Variants in ABCC8 observed in about 807,000 individuals in gnomAD.
The protein encoded by ABCC8 is ATP-binding cassette sub-family C member 8.
Under a neutral mutation model 188.0 loss-of-function variants are expected in ABCC8, and 137 were observed. The ratio of observed to expected loss-of-function variants is 0.73; its 90% CI spans 0.63 to 0.84. The LOEUF is 0.84. ABCC8 is among the 40% of genes least tolerant of loss of function. The probability of loss-of-function intolerance (pLI) is 0.00; values close to 1 mark genes in which losing one functional copy is unlikely to be tolerated. For missense variants in ABCC8, 1,750 were observed against 2,072.7 expected (o/e 0.84, Z 3.02); for synonymous variants, 797 against 846.5 (o/e 0.94, Z 1.01).
chr11:17,460,759 C>A, intron 5 of ABCC8, 83 bp from the exon 6 acceptor site: 5 of 1,583,122 alleles, frequency 3.2e-6, no homozygotes, highest in Non-Finnish European at 4.3e-6. Context: ...GCCCCTAGCT[C>A]CTGTTGTCTG....
intron 10 of ABCC8, among the ~76,000 whole-genome samples, chr11:17,435,023 C>T (rs1187302363): frequency 2.1e-5 from 2 of 95,430 alleles, no homozygotes; most frequent in Non-Finnish European, 4.7e-5. Context: ...GTGTGTTTTG[C>T]AAGAAAAAGA....
chr11:17,445,805 AG>A (rs1405528657), intron 8 of ABCC8, among the ~76,000 whole-genome samples: 1 of 151,086 alleles, frequency 6.6e-6, no homozygotes, highest in Non-Finnish European at 1.5e-5. Context: ...CCCCAGTGCA[AG>A]GGTTAAATTA....
intron 10 of ABCC8, among the ~76,000 whole-genome samples, chr11:17,432,934 T>C (rs918172853): frequency 1.3e-5 from 2 of 152,160 alleles, no homozygotes; most frequent in South Asian, 4.1e-4. Context: ...CTAGGGCATG[T>C]CATTTACCTT....
intron 16 of ABCC8, among the ~76,000 whole-genome samples, chr11:17,424,126 G>A (rs1434234912): frequency 6.6e-6 from 1 of 152,124 alleles, no homozygotes; most frequent in African/African-American, 2.4e-5. Flanking sequence ...AGAACACGTG[G>A]ACACAGGGAG....
chr11:17,405,398 TC>T, intron 27 of ABCC8, 95 bp downstream of exon 27: 1 of 1,571,210 alleles, frequency 6.4e-7, no homozygotes, highest in Non-Finnish European at 8.7e-7. Context: ...AGGGCTGTGA[TC>T]ACCTGATCTG....
At position 17,427,762 on chromosome 11, in the gene ABCC8, T is replaced by C. The variant is rs548166087; in HGVS notation, c.2116+105A>G. The C allele has an allele frequency of 2.8e-6, 4 of 1,438,986 alleles. No individual in the cohort carries two copies. The allele number at this position is 1,438,986 out of a possible 1,614,324, so 89.1% of individuals were successfully genotyped here. Reference sequence around the variant, plus strand: ...ATATACCCAGGGCATACACCAAGAATGAGCAGAGAGTAGGTGCTCAATAAA... The same window carrying C: ...ATATACCCAGGGCATACACCAAGAACGAGCAGAGAGTAGGTGCTCAATAAA... On this transcript the variant is annotated intron_variant, in intron 15 of 38. Coordinates refer to ENST00000389817, the MANE Select transcript of ABCC8 (RefSeq NM_000352.6). This position sits in a 1 kb window ranked among gnomAD's most constrained non-coding sequence, Gnocchi z 5.0.
At position 17,455,801 on chromosome 11, in the gene ABCC8, T is replaced by C. The variant is rs546391439; in HGVS notation, c.1012-2518A>G. Reference sequence around the variant, plus strand: ...AAAAATACAAAAAAATAGCTGGACATGGTGATGCATGCCTGTAATCCCAGC... The same window carrying C: ...AAAAATACAAAAAAATAGCTGGACACGGTGATGCATGCCTGTAATCCCAGC... On this transcript the variant is annotated intron_variant, in intron 6 of 38. Coordinates refer to ENST00000389817, the MANE Select transcript of ABCC8 (RefSeq NM_000352.6). Among the ~76,000 whole-genome samples the C allele has an allele frequency of 3.3e-5, 5 of 151,828 alleles. No individual in the cohort carries two copies. In the East Asian group the frequency reaches 9.7e-4, roughly 29 times the overall value.
At chr11:17,394,132 T>C in intron 37 of ABCC8, 134 bp downstream of exon 37, 1 of 1,245,344 alleles carries the variant, frequency 8.0e-7, no homozygotes, top group Non-Finnish European at 1.2e-6. Flanking sequence ...CCCAGCTCTT[T>C]TCATTTTCTG....
intron 16 of ABCC8, among the ~76,000 whole-genome samples, chr11:17,419,313 G>A (rs1955227303): frequency 6.6e-6 from 1 of 152,194 alleles, no homozygotes; most frequent in Non-Finnish European, 1.5e-5. Context: ...CCAACCGCAT[G>A]TCCTTCCCTC....
chr11:17,434,992 T>C (rs901329767), intron 10 of ABCC8, among the ~76,000 whole-genome samples: 26 of 150,540 alleles, frequency 1.7e-4, no homozygotes, highest in African/African-American at 2.5e-4. Context: ...CGCGTGTGTG[T>C]GTGTGTGTGT....
Position 17,475,128 on chromosome 11 carries a change from G to A in ABCC8, c.149-101C>T, listed in dbSNP as rs1006034596. 9.8e-6 allele frequency: 15 copies of A among 1,528,992 alleles called. No individual in the cohort carries two copies. The South Asian group carries it at 1.4e-4, about 14-fold the overall frequency. The allele number at this position is 1,528,992 out of a possible 1,614,324, so 94.7% of individuals were successfully genotyped here. ...TGCTTGGGCATTGGGTCCATGGTGA[G>A]GGTGACACCTACACATGAGGATCCC... On this transcript the variant is annotated intron_variant, in intron 1 of 38. Coordinates refer to ENST00000389817, the MANE Select transcript of ABCC8 (RefSeq NM_000352.6).
chr11:17,426,930 T>C, intron 16 of ABCC8, 119 bp downstream of exon 16: 1 of 1,161,226 alleles, frequency 8.6e-7, no homozygotes, highest in Non-Finnish European at 1.2e-6. Context: ...TAGCAGCATT[T>C]ATTGAGTCCT....
In ABCC8 at chr11:17,404,492, C is replaced by T. The variant is rs764779784; in HGVS notation, c.3557+20G>A. The T allele has an allele frequency of 1.2e-6, 2 of 1,609,582 alleles. No individual in the cohort carries two copies. The highest frequency in any genetic ancestry group is 8.5e-7 in the Non-Finnish European group (1 of 1,175,930). Reference sequence around the variant, plus strand: ...GCACATTGCAAAGCACCTCCCACCCCTCACCCCTGAGGCCATCACCTGGAC... The same window carrying T: ...GCACATTGCAAAGCACCTCCCACCCTTCACCCCTGAGGCCATCACCTGGAC... On this transcript the variant is annotated intron_variant, in intron 28 of 38. Coordinates refer to ENST00000389817, the MANE Select transcript of ABCC8 (RefSeq NM_000352.6). This position sits in a 1 kb window ranked among gnomAD's most constrained non-coding sequence, Gnocchi z 4.7.
At chr11:17,442,636 G>T in intron 10 of ABCC8, 84 bp downstream of exon 10, 3 of 1,386,094 alleles carry the variant, frequency 2.2e-6, no homozygotes, top group Admixed American at 1.7e-5. Flanking sequence ...TTCTGTCCCT[G>T]CACCCCCTCT....
At chr11:17,475,408 CG>C (rs34001406) in intron 1 of ABCC8, among the ~76,000 whole-genome samples, 148 of 151,392 alleles carry the variant, frequency 9.8e-4, no homozygotes, top group African/African-American at 2.8e-3. Context: ...GTAGAAAGGG[CG>C]GGGGGGGTCT....
At chr11:17,399,736 C>G (rs1384135954) in intron 29 of ABCC8, among the ~76,000 whole-genome samples, 2 of 152,222 alleles carry the variant, frequency 1.3e-5, no homozygotes, top group Non-Finnish European at 2.9e-5. Context: ...CCAATATACC[C>G]CAGCACCTGG....
intron 4 of ABCC8, 154 bp from the exon 5 acceptor site, chr11:17,461,979 C>T: frequency 1.1e-6 from 1 of 886,984 alleles, no homozygotes; most frequent in Non-Finnish European, 1.4e-6. Flanking sequence ...GAAAAGGATT[C>T]CCCAACACTT....
chr11:17,425,533 G>A (rs973096383), intron 16 of ABCC8, among the ~76,000 whole-genome samples: 1 of 152,134 alleles, frequency 6.6e-6, no homozygotes, highest in Non-Finnish European at 1.5e-5. Flanking sequence ...CCAAAGCCCA[G>A]AGATCCCTTT....
chr11:17,409,568 G>T (rs1236135768), intron 22 of ABCC8, among the ~76,000 whole-genome samples: 1 of 152,086 alleles, frequency 6.6e-6, no homozygotes, highest in Non-Finnish European at 1.5e-5. Flanking sequence ...TTTTCTTTGG[G>T]TCTTCTTTAT....
Sources: gnomAD v4.1 joint callset for allele counts (sites outside exome capture counted in the v4.1 genomes callset) on GRCh38, gnomAD v4.1.1 for gene constraint, Gnocchi (gnomAD v3.1) non-coding constraint, MANE v1.5 for transcripts, NCBI Gene and HGNC (gene_info 2026-07-23, HGNC 2026-07-21) for gene names.